The following PCDHGB2 variants were observed in gnomAD, a reference collection of about 807,000 sequenced individuals.
PCDHGB2 encodes the protein protocadherin gamma-B2.
In PCDHGB2, 55 loss-of-function variants were observed where a neutral mutation model predicts 59.3. The observed-to-expected ratio is 0.93, with a 90% CI of 0.75 to 1.16. PCDHGB2 has a LOEUF of 1.16. Ranked by LOEUF, PCDHGB2 falls within the 50% of genes most tolerant of loss-of-function variation. The pLI, the probability that PCDHGB2 is intolerant of heterozygous loss-of-function variation, is 0.00. For missense variants in PCDHGB2, 1,228 were observed against 1,198.5 expected (o/e 1.02, Z -0.36); for synonymous variants, 516 against 512.0 (o/e 1.01, Z -0.11).
At chr5:141,465,792 T>A (rs1262092940) in intron 1 of PCDHGB2, among the ~76,000 whole-genome samples, 2 of 152,018 alleles carry the variant, frequency 1.3e-5, no homozygotes, top group Non-Finnish European at 2.9e-5. Flanking sequence ...TTTTTTTTTT[T>A]AAGAAACCCT....
chr5:141,473,362 C>A (rs2099320242), intron 1 of PCDHGB2, among the ~76,000 whole-genome samples: 1 of 152,166 alleles, frequency 6.6e-6, no homozygotes, highest in Admixed American at 6.5e-5. Context: ...AAGTGGCCAC[C>A]AAAATAGCAT....
intron 1 of PCDHGB2, chr5:141,388,782 A>C (rs1589071559): frequency 6.2e-7 from 1 of 1,613,784 alleles, no homozygotes; most frequent in South Asian, 1.1e-5. Flanking sequence ...CGGGGAAATT[A>C]CTGTTTTAAA....
At chr5:141,380,735 C>G (rs973708229) in intron 1 of PCDHGB2, among the ~76,000 whole-genome samples, 6 of 152,066 alleles carry the variant, frequency 3.9e-5, no homozygotes, top group Admixed American at 3.3e-4. Flanking sequence ...TTCCTTTTCT[C>G]CAAAGAAGGT....
At chr5:141,465,318 A>G (rs1440554123) in intron 1 of PCDHGB2, among the ~76,000 whole-genome samples, 1 of 152,198 alleles carries the variant, frequency 6.6e-6, no homozygotes, top group Non-Finnish European at 1.5e-5. Flanking sequence ...AGCCATGTCA[A>G]TGCAGTATTT....
intron 1 of PCDHGB2, chr5:141,415,733 T>C: frequency 7.1e-7 from 1 of 1,407,484 alleles, no homozygotes; most frequent in Non-Finnish European, 9.3e-7. Context: ...ATTTGATGTT[T>C]ATTAAGGTTT....
intron 1 of PCDHGB2, chr5:141,399,067 G>A (rs774399021): frequency 4.3e-6 from 7 of 1,613,834 alleles, no homozygotes; most frequent in African/African-American, 1.3e-5. Context: ...ATATTCAATG[G>A]TTGTAGAAGG....
In PCDHGB2 at chr5:141,512,267, G is replaced by C. The variant is rs2099884152; in HGVS notation, c.*1094G>C. On this transcript the variant is annotated 3_prime_UTR_variant, in exon 4 of 4. Coordinates refer to ENST00000522605, the MANE Select transcript of PCDHGB2 (RefSeq NM_018923.3). ...GCCTCTGTGGGTGCTGGGTACTCCA[G>C]AGGTGCCACTGGTGGAAGGGTCAGC... 2.6e-5 allele frequency: 4 copies of C among 152,744 alleles called. No homozygotes were observed. Among genetic ancestry groups the C allele is most frequent in the Admixed American group, 2.6e-4 (4 of 15,290 alleles). 9.5% of individuals were successfully genotyped at this position (152,744 alleles called of 1,614,324 possible). A position where few individuals can be genotyped will look rare whatever the true frequency, so the allele number is the denominator to read the frequency against.
chr5:141,384,726 T>C (rs1561604051), intron 1 of PCDHGB2: 3 of 1,613,886 alleles, frequency 1.9e-6, no homozygotes. Flanking sequence ...ACCTCCTGCT[T>C]AAGGCCAGCG....
At chr5:141,482,442 C>A (rs942933015) in intron 1 of PCDHGB2, among the ~76,000 whole-genome samples, 23 of 147,678 alleles carry the variant, frequency 1.6e-4, no homozygotes, top group African/African-American at 5.6e-4. Context: ...CTGATATTCA[C>A]CATTTATTAG....
At chr5:141,369,369 T>G (rs1354774956) in intron 1 of PCDHGB2, among the ~76,000 whole-genome samples, 28 of 152,158 alleles carry the variant, frequency 1.8e-4, no homozygotes, top group Admixed American at 1.8e-3. Flanking sequence ...AAAACATCCT[T>G]TGTAAAAGTT....
At chr5:141,474,130 C>T (rs28684928) in intron 1 of PCDHGB2, among the ~76,000 whole-genome samples, 6 of 152,160 alleles carry the variant, frequency 3.9e-5, no homozygotes. Context: ...TCTCAGAAAA[C>T]TACAGGCCTT....
intron 1 of PCDHGB2, chr5:141,384,777 G>A: frequency 1.2e-6 from 2 of 1,613,860 alleles, no homozygotes; most frequent in Non-Finnish European, 1.7e-6. Context: ...CGGGCGAGGT[G>A]CGCACGGCTC....
intron 1 of PCDHGB2, among the ~76,000 whole-genome samples, chr5:141,443,592 G>A (rs2098395439): frequency 6.6e-6 from 1 of 152,076 alleles, no homozygotes; most frequent in Admixed American, 6.6e-5. Context: ...AACAGAATGT[G>A]GTATATGAAA....
intron 1 of PCDHGB2, among the ~76,000 whole-genome samples, chr5:141,472,542 GA>G (rs904556404): frequency 1.6e-4 from 23 of 147,144 alleles, no homozygotes; most frequent in African/African-American, 4.2e-4. Context: ...ACCATCTCAA[GA>G]AAAAAAAAAT....
At chr5:141,387,774 G>C (rs2091089351) in intron 1 of PCDHGB2, 3 of 1,445,206 alleles carry the variant, frequency 2.1e-6, no homozygotes, top group East Asian at 2.5e-5. Context: ...ATTTTTTCTT[G>C]AACTGGAACT....
chr5:141,422,908 C>G, intron 1 of PCDHGB2: 1 of 1,614,244 alleles, frequency 6.2e-7, no homozygotes, highest in Non-Finnish European at 8.5e-7. Flanking sequence ...CGACAATGCG[C>G]CCGAGATCCT....
At chr5:141,395,198 A>G (rs2093194899) in intron 1 of PCDHGB2, 1 of 1,613,990 alleles carries the variant, frequency 6.2e-7, no homozygotes, top group Non-Finnish European at 8.5e-7. Flanking sequence ...TAACATCCGT[A>G]GATTTTCATG....
intron 1 of PCDHGB2, among the ~76,000 whole-genome samples, chr5:141,461,616 T>A (rs1399885412): frequency 6.6e-6 from 1 of 152,236 alleles, no homozygotes; most frequent in African/African-American, 2.4e-5. Context: ...CAAAGTATTT[T>A]CTAATACACC....
chr5:141,376,168 G>A (rs757765992), intron 1 of PCDHGB2: 64 of 1,613,990 alleles, frequency 4.0e-5, no homozygotes, highest in East Asian at 2.2e-4. Flanking sequence ...ACCTGGTGGT[G>A]GCGGTGGCCG....
Sources: allele counts gnomAD v4.1 joint callset (sites outside exome capture counted in the v4.1 genomes callset), GRCh38; gene constraint gnomAD v4.1.1; transcripts MANE v1.5; gene names NCBI Gene and HGNC (gene_info 2026-07-23, HGNC 2026-07-21).